Variants in SUCLA2 observed in about 807,000 individuals in gnomAD.
SUCLA2 encodes the protein succinate--CoA ligase [ADP-forming] subunit beta, mitochondrial.
A neutral mutation model predicts 54.8 loss-of-function variants in SUCLA2; 30 were observed. The ratio of observed to expected loss-of-function variants is 0.55; its 90% confidence interval spans 0.41 to 0.74. SUCLA2 has a LOEUF of 0.74. Among genes scored for constraint, SUCLA2 ranks in the 30% least tolerant of loss-of-function variants. The pLI is 0.00. For synonymous variants in SUCLA2, 172 were observed against 188.9 expected (o/e 0.91, Z 0.74); for missense variants, 476 against 562.9 (o/e 0.85, Z 1.56).
chr13:47,999,328 A>G (rs1484731497), intron 1 of SUCLA2, among the ~76,000 whole-genome samples: 1 of 152,206 alleles, frequency 6.6e-6, no homozygotes, highest in Non-Finnish European at 1.5e-5. Context: ...ATTCTTAAAG[A>G]CATATGCTGA....
intron 6 of SUCLA2, among the ~76,000 whole-genome samples, chr13:47,965,020 G>T (rs1380504789): frequency 6.7e-6 from 1 of 148,760 alleles, no homozygotes; most frequent in Non-Finnish European, 1.5e-5. Flanking sequence ...GAGCAAGCCT[G>T]AAAGTGGCCT....
chr13:47,996,979 T>C lies in SUCLA2; in HGVS notation c.135A>G (p.Val45=). The C allele has an allele frequency of 6.2e-7, 1 of 1,614,138 alleles. No homozygotes were observed. The highest frequency in any genetic ancestry group is 1.1e-5 in the South Asian group (1 of 91,088). ...SGLFNNHGLQ[V]QQQQQRNLSL... ...AGAGATTCCTTTGCTGTTGCTGCTG[T>C]ACTTGGAGTCCATGGTTATTAAACA... The change falls in exon 2 of 11, where the codon GTA becomes GTG. Residue 45 remains valine (V), a synonymous_variant. Transcript: ENST00000646932.
rs141364750 is a variant in SUCLA2, at chr13:47,991,683, A to G, written c.272-2702T>C. ...TTCCTAGCACATAATATTTTGCTGA[A>G]TGTTGAAAAAAAGGAACATTTAAAA... On this transcript the variant is annotated intron_variant, in intron 2 of 10. Transcript: ENST00000646932. The G allele has an allele frequency of 1.0e-3, 155 of 152,306 alleles. 1 individual carries two copies. Among genetic ancestry groups the G allele is most frequent in the African/African-American group, 3.7e-3 (153 of 41,552 alleles). The allele number at this position is 152,306 out of a possible 1,614,324, so 9.4% of individuals were successfully genotyped here.
At position 48,001,230 on chromosome 13, in the gene SUCLA2, C is replaced by T. The variant is rs779303395; in HGVS notation, c.40G>A (p.Ala14Thr). The change falls in exon 1 of 11, where the codon GCC (alanine) becomes ACC (threonine). Residue 14 changes from alanine to threonine, a missense_variant. This residue lies in a region of SUCLA2 where 134 missense variants were observed against 118.7 expected (regional missense o/e 1.13). Transcript: ENST00000646932. ...CGAGGCCGGTGGTTCCGAAGGGTGGCCACGGCCACTAGCCTGCCGTAGAAC... is the reference window on the plus strand; with the variant it reads ...CGAGGCCGGTGGTTCCGAAGGGTGGTCACGGCCACTAGCCTGCCGTAGAAC... ...SMFYGRLVAV[A>T]TLRNHRPRTA... 1.2e-6 allele frequency: 2 copies of T among 1,607,100 alleles called. No homozygotes were observed. Among genetic ancestry groups the T allele is most frequent in the Non-Finnish European group, 1.7e-6 (2 of 1,177,822 alleles).
chr13:47,991,947 T>C (rs1950152379), intron 2 of SUCLA2, among the ~76,000 whole-genome samples: 2 of 152,062 alleles, frequency 1.3e-5, no homozygotes, highest in Non-Finnish European at 2.9e-5. Context: ...AACGTTCTTA[T>C]TGAGAATACT....
chr13:47,957,503 C>T (rs1949830883), intron 6 of SUCLA2, among the ~76,000 whole-genome samples: 1 of 152,188 alleles, frequency 6.6e-6, no homozygotes, highest in African/African-American at 2.4e-5. Context: ...TCTGGCCCCA[C>T]CACAGCCGGC....
intron 4 of SUCLA2, among the ~76,000 whole-genome samples, chr13:47,977,328 G>C (rs1024540762): frequency 6.6e-6 from 1 of 152,024 alleles, no homozygotes; most frequent in Admixed American, 6.6e-5. Flanking sequence ...GGACCAAATG[G>C]CTTCACTGGA....
In SUCLA2 at chr13:47,968,639, G is replaced by T. The variant is rs1227291815; in HGVS notation, c.758C>A (p.Thr253Asn). The change falls in exon 6 of 11, where the codon ACC (threonine) becomes AAC (asparagine). Residue 253 changes from threonine (T) to asparagine (N), a missense_variant. Transcript: ENST00000646932. ...LYSLFLKYDA[T>N]MIEINPMVED... The stretch of plus-strand genomic sequence containing the variant: ...CACCATTGGATTTATTTCTATCATG[G>T]TTGCATCGTATTTCAGAAAAAGGCT... The T allele has an allele frequency of 4.3e-6, 7 of 1,611,582 alleles. No individual in the cohort carries two copies. Among genetic ancestry groups the T allele is most frequent in the Non-Finnish European group, 5.9e-6 (7 of 1,179,776 alleles).
intron 1 of SUCLA2, 85 bp from the exon 2 acceptor site, chr13:47,997,108 A>G (rs984383604): frequency 1.5e-6 from 2 of 1,370,936 alleles, no homozygotes; most frequent in Non-Finnish European, 2.1e-6. Context: ...AACTATAACA[A>G]AACTGTTACA....
intron 4 of SUCLA2, among the ~76,000 whole-genome samples, chr13:47,984,526 GTTC>G (rs1017974475): frequency 1.3e-5 from 2 of 152,004 alleles, no homozygotes; most frequent in Non-Finnish European, 1.5e-5. Context: ...CTTAACCTAA[GTTC>G]TTCTTCTCTT....
intron 2 of SUCLA2, among the ~76,000 whole-genome samples, chr13:47,995,573 C>T (rs1027415054): frequency 2.0e-5 from 3 of 151,974 alleles, no homozygotes; most frequent in Non-Finnish European, 4.4e-5. Flanking sequence ...CAAATAAGTA[C>T]TACACAAGAT....
At chr13:47,956,610 A>G (rs1034695033) in intron 6 of SUCLA2, among the ~76,000 whole-genome samples, 1 of 152,246 alleles carries the variant, frequency 6.6e-6, no homozygotes, top group Non-Finnish European at 1.5e-5. Context: ...TGCTACAGAA[A>G]GTTCTTCAGG....
At chr13:47,965,494 T>TAA (rs35331016) in intron 6 of SUCLA2, 13 of 311,040 alleles carry the variant, frequency 4.2e-5, no homozygotes, top group Admixed American at 1.7e-4. Context: ...ACCCCTTCTT[T>TAA]AAAAAAAAAA....
chr13:47,965,097 A>C (rs2137710203), intron 6 of SUCLA2, among the ~76,000 whole-genome samples: 1 of 152,182 alleles, frequency 6.6e-6, no homozygotes, highest in South Asian at 2.1e-4. Context: ...TCATTGATTA[A>C]AGAATGGATG....
At chr13:47,979,091 G>A (rs548873939) in intron 4 of SUCLA2, among the ~76,000 whole-genome samples, 66 of 152,336 alleles carry the variant, frequency 4.3e-4, no homozygotes, top group Middle Eastern at 3.4e-3. Context: ...TTCCACCATT[G>A]TGGAGGACAG....
chr13:47,951,798 C>A (rs1337094833), intron 8 of SUCLA2, among the ~76,000 whole-genome samples: 1 of 152,070 alleles, frequency 6.6e-6, no homozygotes, highest in Admixed American at 6.6e-5. Flanking sequence ...CTATTTACTA[C>A]ATAGTATTTC....
At chr13:47,955,278 T>G (rs1949811100) in intron 6 of SUCLA2, among the ~76,000 whole-genome samples, 1 of 152,168 alleles carries the variant, frequency 6.6e-6, no homozygotes, top group African/African-American at 2.4e-5. Context: ...CTCAGCTCAC[T>G]TCAACCTCCA....
chr13:47,996,599 G>A (rs1950193340), intron 2 of SUCLA2, among the ~76,000 whole-genome samples: 1 of 151,756 alleles, frequency 6.6e-6, no homozygotes, highest in Non-Finnish European at 1.5e-5. Context: ...CTAAAAACAG[G>A]ACTTCAGCTT....
chr13:47,954,407 A>T lies in SUCLA2; in HGVS notation c.953T>A (p.Ile318Lys). The T allele has an allele frequency of 6.2e-7, 1 of 1,614,010 alleles. No individual in the cohort carries two copies. The highest frequency in any genetic ancestry group is 8.5e-7 in the Non-Finnish European group (1 of 1,179,906). ...AAAACACATGGTACCTAGGCAGCCT[A>T]TATTTCCATCGAGGCCAATGTAGTT... ...NLNYIGLDGN[I>K]GCLVNGAGLA... The change falls in exon 7 of 11, where the codon ATA becomes AAA. Residue 318 changes from isoleucine (I) to lysine (K), a missense_variant. Physicochemically the swap from Ile to Lys is moderately radical, Grantham distance 102. Transcript: ENST00000646932.
Sources: allele counts gnomAD v4.1 joint callset (sites outside exome capture counted in the v4.1 genomes callset), GRCh38; gene constraint gnomAD v4.1.1; regional missense constraint gnomAD v4.1.1; transcripts MANE v1.5; gene names NCBI Gene and HGNC (gene_info 2026-07-23, HGNC 2026-07-21).